Variants in SCD5 observed in about 807,000 individuals in gnomAD.
The protein encoded by SCD5 is stearoyl-CoA desaturase 5.
Under a neutral mutation model 30.4 loss-of-function variants are expected in SCD5, and 20 were observed. The ratio of observed to expected loss-of-function variants is 0.66; its 90% CI spans 0.46 to 0.96. SCD5 has a LOEUF of 0.96. SCD5 is among the 40% of genes least tolerant of loss of function. The pLI, the probability that SCD5 is intolerant of heterozygous loss-of-function variation, is 0.00. For missense variants in SCD5, 381 were observed against 443.3 expected (o/e 0.86, Z 1.26); for synonymous variants, 173 against 176.4 (o/e 0.98, Z 0.16).
chr4:82,678,345 T>C (rs189912970), intron 3 of SCD5, among the ~76,000 whole-genome samples: 18 of 152,260 alleles, frequency 1.2e-4, no homozygotes, highest in African/African-American at 3.9e-4. Flanking sequence ...GTGCCGCCAA[T>C]ACACACATAA....
intron 2 of SCD5, among the ~76,000 whole-genome samples, chr4:82,696,449 T>C (rs561111595): frequency 1.3e-5 from 2 of 152,350 alleles, no homozygotes; most frequent in South Asian, 4.1e-4. Context: ...AAGAGGCCAC[T>C]AACAGAAGGC....
chr4:82,646,470 AC>A lies in SCD5; in HGVS notation c.570-9648del, dbSNP rs1487360954. Among the ~76,000 whole-genome samples the A allele has an allele frequency of 2.6e-5, 4 of 152,146 alleles. No individual in the cohort carries two copies. The East Asian group carries it at 7.7e-4, about 29-fold the overall frequency. On this transcript the variant is annotated intron_variant, in intron 3 of 4. Coordinates refer to ENST00000319540, the MANE Select transcript of SCD5 (RefSeq NM_001037582.3). ...TGGAGTGTCGCCGAAAATCTTCCAA[AC>A]TTTTTGAATTGTTTAAGTTGAAAAT...
chr4:82,662,297 C>G (rs561468797), intron 3 of SCD5, among the ~76,000 whole-genome samples: 21 of 152,244 alleles, frequency 1.4e-4, no homozygotes, highest in Non-Finnish European at 2.8e-4. Flanking sequence ...AAGCAATTCT[C>G]TCACCTCAGC....
intron 1 of SCD5, among the ~76,000 whole-genome samples, chr4:82,712,966 A>C (rs1404796454): frequency 1.3e-5 from 2 of 152,232 alleles, no homozygotes; most frequent in Admixed American, 6.5e-5. Context: ...TGGAGACTGC[A>C]AGCTGAGAAG....
At chr4:82,644,001 G>A (rs1727593373) in intron 3 of SCD5, among the ~76,000 whole-genome samples, 1 of 152,196 alleles carries the variant, frequency 6.6e-6, no homozygotes, top group African/African-American at 2.4e-5. Context: ...ATGCAAGGAT[G>A]TCCTATTGTT....
chr4:82,738,291 G>A (rs1466108984), intron 1 of SCD5, among the ~76,000 whole-genome samples: 1 of 152,030 alleles, frequency 6.6e-6, no homozygotes, highest in Non-Finnish European at 1.5e-5. Flanking sequence ...GTGTGGTGGC[G>A]TGCGTCTGTG....
At chr4:82,677,806 G>A (rs994950172) in intron 3 of SCD5, among the ~76,000 whole-genome samples, 9 of 151,960 alleles carry the variant, frequency 5.9e-5, no homozygotes, top group African/African-American at 1.5e-4. Flanking sequence ...CTCTATCTAC[G>A]TTTTACTAGT....
chr4:82,694,075 A>G (rs1195680906), intron 2 of SCD5, among the ~76,000 whole-genome samples: 1 of 152,202 alleles, frequency 6.6e-6, no homozygotes, highest in Non-Finnish European at 1.5e-5. Context: ...CCTCCAGAGC[A>G]TGGGCAGCAG....
intron 1 of SCD5, among the ~76,000 whole-genome samples, chr4:82,790,547 C>G (rs969737892): frequency 2.0e-5 from 3 of 152,006 alleles, no homozygotes; most frequent in Non-Finnish European, 4.4e-5. Context: ...CCACTTGGCT[C>G]CTACCTTTGG....
intron 2 of SCD5, among the ~76,000 whole-genome samples, chr4:82,681,617 TGG>T (rs1728574036): frequency 6.6e-6 from 1 of 152,000 alleles, no homozygotes; most frequent in African/African-American, 2.4e-5. Context: ...CAAAACATCC[TGG>T]GGCTATCAAG....
intron 3 of SCD5, among the ~76,000 whole-genome samples, chr4:82,647,449 T>G (rs1727655372): frequency 6.6e-6 from 1 of 152,226 alleles, no homozygotes; most frequent in Admixed American, 6.5e-5. Context: ...CAATATCAGC[T>G]GAGGTAGCTG....
chr4:82,725,562 T>C (rs2148833653), intron 1 of SCD5, among the ~76,000 whole-genome samples: 1 of 96,528 alleles, frequency 1.0e-5, no homozygotes, highest in South Asian at 2.5e-4. Context: ...GTGATTCCTT[T>C]AGAAAATAAA....
rs1246250742 is a variant in SCD5, at chr4:82,630,247, A to G, written c.*1080T>C. On this transcript the variant is annotated 3_prime_UTR_variant, in exon 5 of 5. Transcript: ENST00000319540. ...GCAGTGAACAAATCTCTCTTGAAAC[A>G]AAGACAGTAGAGCATTAACAAGCTG... 6.6e-6 allele frequency: 1 copy of G among 152,254 alleles called. No homozygotes were observed. The highest frequency in any genetic ancestry group is 2.4e-5 in the African/African-American group (1 of 41,464). The allele number at this position is 152,254 out of a possible 1,614,324, so 9.4% of individuals were successfully genotyped here.
At chr4:82,661,023 C>T in intron 3 of SCD5, 1 of 1,614,078 alleles carries the variant, frequency 6.2e-7, no homozygotes, top group East Asian at 2.2e-5. Context: ...CACGAAGCAT[C>T]TCACACGCTG....
chr4:82,653,314 C>T (rs557437779), intron 3 of SCD5, among the ~76,000 whole-genome samples: 18 of 152,090 alleles, frequency 1.2e-4, no homozygotes, highest in Non-Finnish European at 2.2e-4. Flanking sequence ...ACAGCAAAGG[C>T]GCAAAGGGCA....
intron 1 of SCD5, among the ~76,000 whole-genome samples, chr4:82,746,161 C>A (rs1352440154): frequency 6.6e-6 from 1 of 152,206 alleles, no homozygotes; most frequent in Non-Finnish European, 1.5e-5. Flanking sequence ...TGGAGTCACA[C>A]ATGCTGAGCA....
chr4:82,733,947 G>C (rs1032893437), intron 1 of SCD5, among the ~76,000 whole-genome samples: 33 of 152,194 alleles, frequency 2.2e-4, no homozygotes, highest in Admixed American at 2.0e-3. Flanking sequence ...ACAAGATTTA[G>C]TGCCCTGCTT....
chr4:82,705,994 T>G (rs1362323323), intron 1 of SCD5, among the ~76,000 whole-genome samples: 1 of 152,274 alleles, frequency 6.6e-6, no homozygotes, highest in African/African-American at 2.4e-5. Flanking sequence ...TGAATACATG[T>G]GGTTTTCATG....
intron 1 of SCD5, among the ~76,000 whole-genome samples, chr4:82,712,279 TATATATATATATATA>T (rs1720119551): frequency 5.9e-5 from 3 of 50,540 alleles, no homozygotes; most frequent in African/African-American, 3.3e-4. Flanking sequence ...TATATATATA[TATATATATATATATA>T]TATTTTATTT....
Sources: allele counts gnomAD v4.1 joint callset (sites outside exome capture counted in the v4.1 genomes callset), GRCh38; gene constraint gnomAD v4.1.1; transcripts MANE v1.5; gene names NCBI Gene and HGNC (gene_info 2026-07-23, HGNC 2026-07-21).